TENM3: variants seen among roughly 807,000 people sequenced by gnomAD.
TENM3 encodes the protein teneurin-3.
Under a neutral mutation model 255.1 loss-of-function variants are expected in TENM3, and 63 were observed. The ratio of observed to expected loss-of-function variants is 0.25; its 90% CI spans 0.20 to 0.30. The LOEUF is 0.30. TENM3 is among the 10% of genes least tolerant of loss of function. The pLI is 1.00. For synonymous variants in TENM3, 1,306 were observed against 1,322.3 expected (o/e 0.99, Z 0.27); for missense variants, 2,929 against 3,461.1 (o/e 0.85, Z 3.86).
chr4:181,883,646 T>C, the TENM3 span, among the ~76,000 whole-genome samples: 2 of 152,014 alleles, frequency 1.3e-5, no homozygotes, highest in African/African-American at 4.8e-5. Context: ...GGCTAATTTT[T>C]TGTATTTTTA....
chr4:181,704,789 T>C, the TENM3 span, among the ~76,000 whole-genome samples: 1 of 151,956 alleles, frequency 6.6e-6, no homozygotes, highest in African/African-American at 2.4e-5. Flanking sequence ...TCCCAGCACT[T>C]TGGGGGGCCG....
At chr4:182,667,014 A>C (rs1754753346) in intron 6 of TENM3, among the ~76,000 whole-genome samples, 1 of 152,158 alleles carries the variant, frequency 6.6e-6, no homozygotes, top group Admixed American at 6.5e-5. Context: ...CTTTATTGTG[A>C]TATCTGCTTT....
At chr4:181,661,196 C>T in the TENM3 span, among the ~76,000 whole-genome samples, 2 of 152,110 alleles carry the variant, frequency 1.3e-5, no homozygotes, top group Non-Finnish European at 1.5e-5. Context: ...ACTCTAATAT[C>T]GATGGGCACA....
At chr4:182,671,745 A>G (rs943818632) in intron 6 of TENM3, among the ~76,000 whole-genome samples, 5 of 152,218 alleles carry the variant, frequency 3.3e-5, no homozygotes, top group African/African-American at 1.2e-4. Flanking sequence ...CTCTTCACAG[A>G]TAGTTAGAAG....
the TENM3 span, among the ~76,000 whole-genome samples, chr4:181,870,913 T>C: frequency 6.6e-6 from 1 of 152,106 alleles, no homozygotes; most frequent in Non-Finnish European, 1.5e-5. Context: ...TTTGATGCAA[T>C]TGGATCTCTG....
chr4:182,699,099 T>G (rs1757650322), intron 12 of TENM3, among the ~76,000 whole-genome samples: 1 of 152,242 alleles, frequency 6.6e-6, no homozygotes, highest in African/African-American at 2.4e-5. Flanking sequence ...AATTCTATAC[T>G]GTGGTGTTTA....
intron 4 of TENM3, among the ~76,000 whole-genome samples, chr4:182,627,998 G>T (rs1197102418): frequency 6.6e-6 from 1 of 151,898 alleles, no homozygotes; most frequent in Admixed American, 6.6e-5. Context: ...TTCCTTCCCT[G>T]TCCCTACCCC....
chr4:182,257,598 T>G (rs1758494355), intron 1 of TENM3, among the ~76,000 whole-genome samples: 3 of 152,176 alleles, frequency 2.0e-5, no homozygotes, highest in Admixed American at 2.0e-4. Context: ...GATGCATTTC[T>G]GTGGCTTTAA....
chr4:182,141,007 C>T (rs1194791668), upstream of TENM3, among the ~76,000 whole-genome samples: 1 of 149,856 alleles, frequency 6.7e-6, no homozygotes, highest in Non-Finnish European at 1.5e-5. Context: ...CGCCCCCCAG[C>T]CCTTTGAGAG....
the TENM3 span, among the ~76,000 whole-genome samples, chr4:181,777,397 T>C: frequency 6.6e-6 from 1 of 152,174 alleles, no homozygotes; most frequent in Non-Finnish European, 1.5e-5. Context: ...GTTCAGCTCT[T>C]TTTTTGTTCC....
chr4:181,892,255 A>T, the TENM3 span, among the ~76,000 whole-genome samples: 2 of 152,102 alleles, frequency 1.3e-5, no homozygotes, highest in African/African-American at 4.8e-5. Context: ...CTCCCATCCC[A>T]CACTCAGGTA....
the TENM3 span, among the ~76,000 whole-genome samples, chr4:181,823,110 A>T: frequency 6.6e-6 from 1 of 152,222 alleles, no homozygotes; most frequent in African/African-American, 2.4e-5. Flanking sequence ...CAAGCATGAT[A>T]GCGGCTATCT....
the TENM3 span, among the ~76,000 whole-genome samples, chr4:181,681,394 TC>T: frequency 6.6e-6 from 1 of 152,092 alleles, no homozygotes; most frequent in African/African-American, 2.4e-5. Context: ...AGTCTGTTTC[TC>T]CCCCCTGTTC....
Position 182,793,315 on chromosome 4 carries a change from C to T in TENM3, c.6643C>T (p.Arg2215Ter). ...FEYSSKGLLT[R>*]VYSKGSGWTV... ...ATATAGCTCCAAGGGGCTTCTAACT[C>T]GAGTTTACAGTAAAGGCAGTGGCTG... The change falls in exon 26 of 28, where the codon CGA (arginine) becomes TGA (stop). Residue 2215 changes from arginine to a stop codon, truncating the protein, a stop_gained. Coordinates refer to ENST00000511685, the MANE Select transcript of TENM3 (RefSeq NM_001080477.4). LOFTEE classifies it high-confidence loss of function. This position sits in a 1 kb window ranked among gnomAD's most constrained non-coding sequence, Gnocchi z 5.7. 1.2e-6 allele frequency: 2 copies of T among 1,613,780 alleles called. No homozygotes were observed. Among genetic ancestry groups the T allele is most frequent in the Non-Finnish European group, 1.7e-6 (2 of 1,179,772 alleles).
chr4:182,449,203 C>CGGT (rs1310654184), intron 3 of TENM3: 11 of 30,404 alleles, frequency 3.6e-4, no homozygotes, highest in African/African-American at 6.0e-4. Context: ...GTGGCGGTGG[C>CGGT]GGTGGTGGCG....
the TENM3 span, among the ~76,000 whole-genome samples, chr4:181,591,906 C>A: frequency 6.6e-6 from 1 of 151,930 alleles, no homozygotes; most frequent in Non-Finnish European, 1.5e-5. Flanking sequence ...TTATTGAAAC[C>A]CACAACAACG....
the TENM3 span, among the ~76,000 whole-genome samples, chr4:181,811,536 T>C: frequency 1.3e-5 from 2 of 152,206 alleles, no homozygotes; most frequent in African/African-American, 4.8e-5. Flanking sequence ...GCTAATAAAG[T>C]CATGCCTGAG....
At chr4:182,409,597 ATG>A (rs1769832008) in intron 3 of TENM3, among the ~76,000 whole-genome samples, 1 of 152,200 alleles carries the variant, frequency 6.6e-6, no homozygotes, top group Admixed American at 6.5e-5. Context: ...GCAGTCGATG[ATG>A]AGGACTCTGC....
intron 18 of TENM3, among the ~76,000 whole-genome samples, chr4:182,741,201 T>C (rs532710396): frequency 5.1e-4 from 78 of 152,232 alleles, no homozygotes; most frequent in Non-Finnish European, 8.7e-4. Context: ...AAAGAAAATA[T>C]GTGTTATTTT....
Sources: gnomAD v4.1 joint callset for allele counts (sites outside exome capture counted in the v4.1 genomes callset) on GRCh38, gnomAD v4.1.1 for gene constraint, Gnocchi (gnomAD v3.1) non-coding constraint, MANE v1.5 for transcripts, NCBI Gene and HGNC (gene_info 2026-07-23, HGNC 2026-07-21) for gene names.